SH3BP5: variants seen among roughly 807,000 people sequenced by gnomAD.
The protein encoded by SH3BP5 is SH3 domain-binding protein 5.
A neutral mutation model predicts 43.3 loss-of-function variants in SH3BP5; 22 were observed. The ratio of observed to expected loss-of-function variants is 0.51; its 90% CI spans 0.36 to 0.73. The LOEUF is 0.73. SH3BP5 is among the 30% of genes least tolerant of loss of function. The pLI, the probability that SH3BP5 is intolerant of heterozygous loss-of-function variation, is 0.00. For synonymous variants in SH3BP5, 255 were observed against 225.8 expected, an observed-to-expected ratio of 1.13 and a Z score of -1.16; for missense variants, 529 against 586.9, an observed-to-expected ratio of 0.90 and a Z score of 1.02.
rs555712530 is a variant in SH3BP5, at chr3:15,261,877, CCCAG to C, written c.626+278_626+281del. ...AGAGTACAGCGTGAATTTACCAAAT[CCCAG>C]CCAATGGGCCATTTAATAATGTGCC... On this transcript the variant is annotated intron_variant, in intron 5 of 8. Coordinates refer to ENST00000383791, the MANE Select transcript of SH3BP5 (RefSeq NM_004844.5). Among the ~76,000 whole-genome samples, 399 of 152,296 alleles carry C rather than the reference CCCAG, an allele frequency of 2.6e-3. 4 individuals carry two copies. The highest frequency in any genetic ancestry group is 9.1e-3 in the African/African-American group (379 of 41,580).
At chr3:15,269,594 T>TG (rs1292231545) in intron 4 of SH3BP5, 119 bp downstream of exon 4, 1 of 1,097,844 alleles carries the variant, frequency 9.1e-7, no homozygotes, top group Non-Finnish European at 1.3e-6. Flanking sequence ...TGACAACCTG[T>TG]GATTTTCAGG....
chr3:15,284,088 A>T (rs1697201178), intron 3 of SH3BP5, among the ~76,000 whole-genome samples: 1 of 152,142 alleles, frequency 6.6e-6, no homozygotes, highest in Admixed American at 6.5e-5. Context: ...CCCCCTCTCC[A>T]GTGGTATATT....
intron 4 of SH3BP5, among the ~76,000 whole-genome samples, chr3:15,265,916 G>T (rs80043107): frequency 3.3e-5 from 5 of 152,068 alleles, no homozygotes; most frequent in Admixed American, 1.3e-4. Flanking sequence ...GGGCACCACT[G>T]GGCACTGATT....
intron 2 of SH3BP5, among the ~76,000 whole-genome samples, chr3:15,325,090 C>A (rs764156886): frequency 6.6e-6 from 1 of 152,134 alleles, no homozygotes; most frequent in Non-Finnish European, 1.5e-5. Context: ...AGAGCAAGCA[C>A]GGGAAATGAT....
At chr3:15,288,669 G>A (rs1697330260) in intron 3 of SH3BP5, among the ~76,000 whole-genome samples, 1 of 152,200 alleles carries the variant, frequency 6.6e-6, no homozygotes, top group African/African-American at 2.4e-5. Context: ...GAGTCTGGGA[G>A]GCAGAGGTTG....
At chr3:15,340,025 G>A (rs17041035) in intron 1 of SH3BP5, among the ~76,000 whole-genome samples, 10,846 of 152,094 alleles carry the variant, frequency 0.071, 543 homozygotes, top group East Asian at 0.15. Flanking sequence ...TCTGTGTCCC[G>A]AGAAGAAAAA....
chr3:15,293,400 G>T (rs1199507379), intron 3 of SH3BP5, among the ~76,000 whole-genome samples: 1 of 152,224 alleles, frequency 6.6e-6, no homozygotes, highest in African/African-American at 2.4e-5. Flanking sequence ...CGGGGAAGAA[G>T]GAAGGCATGA....
intron 4 of SH3BP5, 63 bp from the exon 5 acceptor site, chr3:15,262,352 TTA>T (rs2125049851): frequency 6.5e-7 from 1 of 1,544,570 alleles, no homozygotes; most frequent in South Asian, 1.2e-5. Context: ...GGAATATTAC[TTA>T]TATTATTTTT....
intron 2 of SH3BP5, among the ~76,000 whole-genome samples, chr3:15,315,330 T>C (rs943506626): frequency 4.6e-5 from 7 of 152,214 alleles, no homozygotes; most frequent in African/African-American, 1.7e-4. Flanking sequence ...TTGAGTGGGT[T>C]GTGGGACAAA....
At position 15,254,392 on chromosome 3, in the gene SH3BP5, AAG is replaced by A; in HGVS notation, c.*1692_*1693del. 1 of 152,250 alleles carries A rather than the reference AAG, an allele frequency of 6.6e-6. No homozygotes were observed. The highest frequency in any genetic ancestry group is 1.9e-4 in the East Asian group (1 of 5,204). 9.4% of individuals were successfully genotyped at this position (152,250 alleles called of 1,614,324 possible). A position where few individuals can be genotyped will look rare whatever the true frequency, so the allele number is the denominator to read the frequency against. ...ATGCTTTAATAATGAAATGCGGATT[AAG>A]AGTCCAATATTATAAAACATTTCCA... On this transcript the variant is annotated 3_prime_UTR_variant, in exon 9 of 9. Transcript: ENST00000383791.
At chr3:15,312,727 G>C (rs1698089256) in intron 2 of SH3BP5, among the ~76,000 whole-genome samples, 1 of 152,182 alleles carries the variant, frequency 6.6e-6, no homozygotes, top group Non-Finnish European at 1.5e-5. Flanking sequence ...GAAAAGGGAA[G>C]CTAATCCAGG....
At chr3:15,263,441 G>A (rs984634975) in intron 4 of SH3BP5, among the ~76,000 whole-genome samples, 1 of 152,212 alleles carries the variant, frequency 6.6e-6, no homozygotes, top group Admixed American at 6.5e-5. Flanking sequence ...TGAACTAGTT[G>A]GCTGTGCACA....
chr3:15,296,288 C>T (rs1436751095), intron 3 of SH3BP5, among the ~76,000 whole-genome samples: 2 of 151,538 alleles, frequency 1.3e-5, no homozygotes, highest in African/African-American at 4.9e-5. Flanking sequence ...AATCCCCTGA[C>T]CTGCTATAAT....
chr3:15,273,891 T>C (rs542338418), intron 3 of SH3BP5, among the ~76,000 whole-genome samples: 53 of 152,272 alleles, frequency 3.5e-4, no homozygotes, highest in African/African-American at 1.3e-3. Context: ...CTAATGTGAT[T>C]ATATTAGGAA....
In SH3BP5 at chr3:15,321,319, G is replaced by A. The variant is rs185734165; in HGVS notation, c.201+9185C>T. On this transcript the variant is annotated intron_variant, in intron 2 of 8. Transcript: ENST00000383791. Reference sequence around the variant, plus strand: ...TCTTGGCTGTAGAAGATCCTAAAGTGCCTTTATAGCACTTTTCATCCTTCC... The same window carrying A: ...TCTTGGCTGTAGAAGATCCTAAAGTACCTTTATAGCACTTTTCATCCTTCC... Among the ~76,000 whole-genome samples the A allele has an allele frequency of 2.4e-4, 37 of 152,154 alleles. No homozygotes were observed. The East Asian group carries it at 6.6e-3, about 27-fold the overall frequency.
At chr3:15,273,567 G>C (rs1474172333) in intron 3 of SH3BP5, among the ~76,000 whole-genome samples, 1 of 152,186 alleles carries the variant, frequency 6.6e-6, no homozygotes, top group Non-Finnish European at 1.5e-5. Flanking sequence ...CTAATGTGAG[G>C]CCTCATTCCA....
At chr3:15,270,971 T>C (rs1696780930) in intron 3 of SH3BP5, among the ~76,000 whole-genome samples, 1 of 147,934 alleles carries the variant, frequency 6.8e-6, no homozygotes, top group Non-Finnish European at 1.5e-5. Flanking sequence ...ATGTAAGACA[T>C]CCCTAATCTT....
At chr3:15,327,836 G>A (rs147034360) in intron 2 of SH3BP5, among the ~76,000 whole-genome samples, 320 of 152,314 alleles carry the variant, frequency 2.1e-3, no homozygotes, top group South Asian at 0.012. Context: ...CACTTGAAAC[G>A]TGTCTAGTCT....
At chr3:15,265,249 C>T (rs1696590938) in intron 4 of SH3BP5, among the ~76,000 whole-genome samples, 1 of 152,140 alleles carries the variant, frequency 6.6e-6, no homozygotes, top group South Asian at 2.1e-4. Flanking sequence ...TGCGATGGGG[C>T]TCATGCCTGT....
Sources: allele counts gnomAD v4.1 joint callset (sites outside exome capture counted in the v4.1 genomes callset), GRCh38; gene constraint gnomAD v4.1.1; transcripts MANE v1.5; gene names NCBI Gene and HGNC (gene_info 2026-07-23, HGNC 2026-07-21).